The following THBS4 variants were observed in gnomAD, a reference collection of about 807,000 sequenced individuals.
The protein encoded by THBS4 is thrombospondin-4.
A neutral mutation model predicts 115.7 loss-of-function variants in THBS4; 90 were observed. The observed-to-expected ratio is 0.78, with a 90% confidence interval of 0.66 to 0.93. The LOEUF (loss-of-function observed/expected upper bound fraction) is 0.93. Among genes scored for constraint, THBS4 ranks in the 40% least tolerant of loss-of-function variants. The probability of loss-of-function intolerance (pLI) is 0.00; values close to 1 mark genes in which losing one functional copy is unlikely to be tolerated. For synonymous variants in THBS4, 460 were observed against 479.3 expected, an observed-to-expected ratio of 0.96 and a Z score of 0.53; for missense variants, 1,087 against 1,232.7, an observed-to-expected ratio of 0.88 and a Z score of 1.77.
Position 80,059,896 on chromosome 5 carries a change from T to A in THBS4, c.978T>A (p.Asp326Glu). The A allele has an allele frequency of 5.6e-6, 9 of 1,613,914 alleles. No individual in the cohort carries two copies. The South Asian group carries it at 9.9e-5, about 18-fold the overall frequency. ...GYTGNGITCI[D>E]VDECKYHPCY... is the part of the protein sequence containing the mutation. ...CAGGAAACGGGATCACCTGTATTGA[T>A]GTTGATGAGGTAAAAGTTCACTTAG... Residue 326 changes from aspartate (D) to glutamate (E), a missense_variant, in exon 7 of 22, where the codon GAT becomes GAA. Physicochemically the swap from Asp to Glu is conservative, Grantham distance 45 (BLOSUM62 2). Transcript: ENST00000350881.
At chr5:80,027,006 A>G (rs1042363309) in intron 2 of THBS4, among the ~76,000 whole-genome samples, 1 of 152,188 alleles carries the variant, frequency 6.6e-6, no homozygotes, top group Non-Finnish European at 1.5e-5. Context: ...CCAAAGACCC[A>G]CCTGTAAACA....
At chr5:80,083,054 C>T (rs1743607429) in intron 21 of THBS4, 26 bp from the exon 22 acceptor site, 2 of 1,609,390 alleles carry the variant, frequency 1.2e-6, no homozygotes, top group African/African-American at 2.7e-5. Context: ...GCCTCGCTAA[C>T]CTCCCTGTGC....
chr5:80,065,222 T>G (rs1201286387), intron 8 of THBS4, among the ~76,000 whole-genome samples, 187 bp from the exon 9 acceptor site: 2 of 152,230 alleles, frequency 1.3e-5, no homozygotes, highest in Non-Finnish European at 2.9e-5. Flanking sequence ...AATTCTCATT[T>G]GCAATTAGAT....
At position 80,035,777 on chromosome 5, in the gene THBS4, A is replaced by T; in HGVS notation, c.88+152A>T. 1 of 594,320 alleles carries T rather than the reference A, an allele frequency of 1.7e-6. No individual in the cohort carries two copies. Among genetic ancestry groups the T allele is most frequent in the Admixed American group, 4.4e-5 (1 of 22,904 alleles). 36.8% of individuals were successfully genotyped at this position (594,320 alleles called of 1,614,324 possible). The stretch of plus-strand genomic sequence containing the variant: ...CCCAATCAAAGCATATTGTGATTGG[A>T]GGTAGTGATTAGTCTAGAATTTTCC... On this transcript the variant is annotated intron_variant, in intron 1 of 21. Transcript: ENST00000350881. The surrounding 1 kb of genome is among the most constrained non-coding windows in gnomAD (Gnocchi z 4.6).
rs140267213 is a variant in THBS4 at position 80,078,328 on chromosome 5, C to A, written c.2265+101C>A. Reference sequence around the variant, plus strand: ...TAGAGGGTGCAGACAATAAGCCAGGCATTCTTCACATTCGCTCTTATTCCT... The same window carrying A: ...TAGAGGGTGCAGACAATAAGCCAGGAATTCTTCACATTCGCTCTTATTCCT... On this transcript the variant is annotated intron_variant, in intron 17 of 21. Coordinates refer to ENST00000350881, the MANE Select transcript of THBS4 (RefSeq NM_003248.6). 181 of 984,290 alleles carry A rather than the reference C, an allele frequency of 1.8e-4. No individual in the cohort carries two copies. The African/African-American group carries it at 2.8e-3, about 15-fold the overall frequency. The allele number at this position is 984,290 out of a possible 1,614,324, so 61.0% of individuals were successfully genotyped here.
chr5:80,063,968 T>C (rs1053015129), intron 8 of THBS4, among the ~76,000 whole-genome samples: 7 of 152,144 alleles, frequency 4.6e-5, no homozygotes, highest in African/African-American at 1.2e-4. Flanking sequence ...GTCCAGGTCT[T>C]AGTAACAGGG....
chr5:79,992,893 G>T lies in THBS4; in HGVS notation n.81+1481G>T, dbSNP rs575083172. Among the ~76,000 whole-genome samples, 32 of 152,348 alleles carry T rather than the reference G, an allele frequency of 2.1e-4. No individual in the cohort carries two copies. The South Asian group carries it at 6.4e-3, about 31-fold the overall frequency. On this transcript the variant is annotated intron_variant and non_coding_transcript_variant, in intron 1 of 3. Transcript: ENST00000510218. ...AGTAAAGTAATTCAACTTTCAGATT[G>T]TAATGGAACCTCCCTGTTTTGAGGG...
At chr5:80,057,562 C>T (rs753882269) in intron 3 of THBS4, among the ~76,000 whole-genome samples, 1 of 152,158 alleles carries the variant, frequency 6.6e-6, no homozygotes, top group Non-Finnish European at 1.5e-5. Flanking sequence ...TAGCTGTGCT[C>T]ATTTCTAAAA....
chr5:80,051,829 T>A (rs1365325541), intron 2 of THBS4, among the ~76,000 whole-genome samples: 1 of 152,230 alleles, frequency 6.6e-6, no homozygotes, highest in Non-Finnish European at 1.5e-5. Flanking sequence ...AGCTATTTAG[T>A]TATGAAAATA....
In THBS4 at chr5:80,071,331, T is replaced by C. The variant is rs997036707; in HGVS notation, c.1720+151T>C. ...GCATCTGGAAGACCCAAGGTGGACT[T>C]GTGTCTATGGAAGGAGACCCCACAG... On this transcript the variant is annotated intron_variant, in intron 13 of 21. Transcript: ENST00000350881. 5.7e-5 allele frequency: 78 copies of C among 1,378,058 alleles called. No individual in the cohort carries two copies. In the African/African-American group the frequency reaches 1.1e-3, roughly 19 times the overall value. The allele number at this position is 1,378,058 out of a possible 1,614,324, so 85.4% of individuals were successfully genotyped here.
chr5:80,046,962 A>G (rs1224399780), intron 2 of THBS4, among the ~76,000 whole-genome samples: 1 of 152,240 alleles, frequency 6.6e-6, no homozygotes, highest in Non-Finnish European at 1.5e-5. Context: ...GCCAAAATCA[A>G]TCAGATGAAA....
At chr5:80,023,868 C>T (rs768524311) in intron 2 of THBS4, among the ~76,000 whole-genome samples, 2 of 152,060 alleles carry the variant, frequency 1.3e-5, no homozygotes, top group Non-Finnish European at 2.9e-5. Flanking sequence ...TCTCACAACC[C>T]ATCCCATTCT....
intron 1 of THBS4, among the ~76,000 whole-genome samples, chr5:79,997,888 C>T (rs1831826977): frequency 1.3e-5 from 2 of 152,148 alleles, no homozygotes; most frequent in Middle Eastern, 3.4e-3. Flanking sequence ...CATACTTCTA[C>T]GTAATCAGTG....
intron 2 of THBS4, among the ~76,000 whole-genome samples, chr5:80,042,310 C>T (rs17879633): frequency 1.9e-3 from 288 of 152,320 alleles, no homozygotes; most frequent in African/African-American, 6.7e-3. Flanking sequence ...AGTTTGTGAT[C>T]GTAAAAATCA....
intron 2 of THBS4, among the ~76,000 whole-genome samples, chr5:80,016,505 AAATCTTGT>A (rs1832252825): frequency 6.6e-6 from 1 of 152,198 alleles, no homozygotes. Context: ...CAGTGAGACA[AAATCTTGT>A]AACAAATTCA....
chr5:80,029,647 T>C (rs1415343462), intron 2 of THBS4, among the ~76,000 whole-genome samples: 1 of 152,122 alleles, frequency 6.6e-6, no homozygotes, highest in African/African-American at 2.4e-5. Flanking sequence ...GCAAAATATC[T>C]TCTAAATTCT....
At chr5:80,030,700 G>T (rs1399898951), upstream of THBS4, among the ~76,000 whole-genome samples, 1 of 151,872 alleles carries the variant, frequency 6.6e-6, no homozygotes, top group Non-Finnish European at 1.5e-5. Flanking sequence ...TAGAGATGAG[G>T]TCTCACTATG....
intron 2 of THBS4, among the ~76,000 whole-genome samples, chr5:80,050,406 A>C (rs952057996): frequency 1.3e-5 from 2 of 152,096 alleles, no homozygotes; most frequent in Non-Finnish European, 2.9e-5. Flanking sequence ...GGTCAAAGTT[A>C]GGTTTTCTTA....
At chr5:80,061,018 C>A (rs534810232) in intron 7 of THBS4, among the ~76,000 whole-genome samples, 1 of 152,210 alleles carries the variant, frequency 6.6e-6, no homozygotes, top group African/African-American at 2.4e-5. Flanking sequence ...GCAATTAAGA[C>A]GGTCTCTAGT....
Sources: allele counts gnomAD v4.1 joint callset (sites outside exome capture counted in the v4.1 genomes callset), GRCh38; gene constraint gnomAD v4.1.1; non-coding constraint Gnocchi (gnomAD v3.1); transcripts MANE v1.5; gene names NCBI Gene and HGNC (gene_info 2026-07-23, HGNC 2026-07-21).